NUBPL: variants seen among roughly 807,000 people sequenced by gnomAD.
NUBPL encodes NUBP iron-sulfur cluster assembly factor, mitochondrial.
In NUBPL, 31 loss-of-function variants were observed where a neutral mutation model predicts 45.7. The observed-to-expected ratio is 0.68, with a 90% CI of 0.51 to 0.92. NUBPL has a LOEUF of 0.92. Ranked by LOEUF, NUBPL falls within the 40% of genes least tolerant of loss-of-function variation. The pLI is 0.00. For missense variants in NUBPL, 401 were observed against 398.7 expected (o/e 1.01, Z -0.05); for synonymous variants, 144 against 140.9 (o/e 1.02, Z -0.15).
chr14:31,704,275 G>T (rs1041653190), intron 6 of NUBPL, among the ~76,000 whole-genome samples: 2 of 152,106 alleles, frequency 1.3e-5, no homozygotes, highest in Non-Finnish European at 2.9e-5. Flanking sequence ...CATTCTAGGG[G>T]TCCCCTTTAG....
At chr14:31,595,967 C>T (rs990743239) in intron 3 of NUBPL, among the ~76,000 whole-genome samples, 5 of 148,646 alleles carry the variant, frequency 3.4e-5, no homozygotes, top group East Asian at 2.0e-4. Context: ...AGTGCAGTGG[C>T]GCAATCTTGG....
intron 4 of NUBPL, among the ~76,000 whole-genome samples, chr14:31,619,615 A>G (rs1220104502): frequency 6.6e-6 from 1 of 152,116 alleles, no homozygotes; most frequent in Admixed American, 6.6e-5. Context: ...ATTGGCCTCC[A>G]CTTTCTTCTG....
intron 4 of NUBPL, among the ~76,000 whole-genome samples, chr14:31,640,953 GTTTTTC>G (rs137891853): frequency 0.08 from 9,988 of 125,362 alleles, 415 homozygotes; most frequent in Non-Finnish European, 0.12. Context: ...TTGTTTTTTT[GTTTTTC>G]TTTTTGTTTT....
intron 6 of NUBPL, among the ~76,000 whole-genome samples, chr14:31,684,398 A>C (rs1033296576): frequency 6.6e-6 from 1 of 151,948 alleles, no homozygotes; most frequent in Non-Finnish European, 1.5e-5. Context: ...CCCTGTATTG[A>C]AGTGGGGTCC....
intron 4 of NUBPL, among the ~76,000 whole-genome samples, chr14:31,659,046 T>C (rs2036208177): frequency 1.3e-5 from 2 of 152,146 alleles, no homozygotes; most frequent in South Asian, 4.1e-4. Flanking sequence ...GAGGCTGCCA[T>C]GGAAGAAAGG....
chr14:31,625,179 A>C (rs1158408708), intron 4 of NUBPL, among the ~76,000 whole-genome samples: 2 of 152,206 alleles, frequency 1.3e-5, no homozygotes, highest in Non-Finnish European at 2.9e-5. Flanking sequence ...TGTACCCTAG[A>C]AGCCAAGGAA....
intron 3 of NUBPL, among the ~76,000 whole-genome samples, chr14:31,578,942 A>G (rs1039972734): frequency 1.3e-5 from 2 of 152,348 alleles, no homozygotes; most frequent in East Asian, 1.9e-4. Context: ...TCTCAGAGCA[A>G]TAACTGACGA....
intron 3 of NUBPL, among the ~76,000 whole-genome samples, chr14:31,582,125 T>A (rs2033878955): frequency 6.6e-6 from 1 of 152,118 alleles, no homozygotes; most frequent in Non-Finnish European, 1.5e-5. Flanking sequence ...CAAGGTGAAT[T>A]GGGTACTGGC....
rs576539278 is a variant in NUBPL at position 31,643,157 on chromosome 14, G to A, written c.383-30198G>A. ...TGTATATGCTTTATCTCTTTCTCTT[G>A]CCTCATTGCTCTGGCCAAAACTTCC... On this transcript the variant is annotated intron_variant, in intron 4 of 10. Coordinates refer to ENST00000281081, the MANE Select transcript of NUBPL (RefSeq NM_025152.3). Among the ~76,000 whole-genome samples the A allele has an allele frequency of 4.6e-5, 7 of 152,088 alleles. No individual in the cohort carries two copies. The South Asian group carries it at 1.2e-3, about 27-fold the overall frequency.
chr14:31,651,914 GAAAA>G (rs1425961523), intron 4 of NUBPL, among the ~76,000 whole-genome samples: 2 of 145,084 alleles, frequency 1.4e-5, no homozygotes, highest in East Asian at 2.0e-4. Flanking sequence ...AAAAAAAAAA[GAAAA>G]AAAGAAAAAT....
intron 4 of NUBPL, among the ~76,000 whole-genome samples, chr14:31,630,886 T>G (rs1194145575): frequency 6.6e-6 from 1 of 152,172 alleles, no homozygotes; most frequent in African/African-American, 2.4e-5. Flanking sequence ...ATTGGGTAAT[T>G]TTTCTCATTC....
intron 6 of NUBPL, among the ~76,000 whole-genome samples, 156 bp from the exon 7 acceptor site, chr14:31,787,624 C>G (rs569612697): frequency 6.6e-6 from 1 of 152,182 alleles, no homozygotes; most frequent in South Asian, 2.1e-4. Context: ...ATTTATTCAT[C>G]CATGTATCCT....
intron 10 of NUBPL, among the ~76,000 whole-genome samples, chr14:31,850,921 C>A (rs746183531): frequency 5.3e-5 from 8 of 152,020 alleles, no homozygotes; most frequent in Non-Finnish European, 1.2e-4. Flanking sequence ...CCATGCCCAG[C>A]CTAGAGATGA....
chr14:31,600,501 A>G (rs1473513182), intron 4 of NUBPL, among the ~76,000 whole-genome samples: 1 of 152,220 alleles, frequency 6.6e-6, no homozygotes, highest in Non-Finnish European at 1.5e-5. Flanking sequence ...TGGGGAGAAC[A>G]TGCAAACTTT....
intron 4 of NUBPL, among the ~76,000 whole-genome samples, chr14:31,621,587 C>T: frequency 6.6e-6 from 1 of 152,194 alleles, no homozygotes; most frequent in East Asian, 1.9e-4. Context: ...TGATGCCCCA[C>T]CCTGCTTTGG....
intron 4 of NUBPL, among the ~76,000 whole-genome samples, chr14:31,668,275 G>C (rs1431737267): frequency 1.3e-5 from 2 of 152,224 alleles, no homozygotes; most frequent in Non-Finnish European, 2.9e-5. Context: ...GAGGAATCTA[G>C]AGAGGCAGTC....
intron 7 of NUBPL, among the ~76,000 whole-genome samples, chr14:31,809,182 A>G (rs1339438213): frequency 6.6e-6 from 1 of 152,210 alleles, no homozygotes. Flanking sequence ...GAATAGTTTC[A>G]GAAGGAATGG....
chr14:31,781,690 C>G (rs2039194141), intron 6 of NUBPL, among the ~76,000 whole-genome samples: 1 of 152,150 alleles, frequency 6.6e-6, no homozygotes, highest in South Asian at 2.1e-4. Context: ...CATTCACTGC[C>G]TAGAAAGACT....
At chr14:31,613,300 G>A (rs570352450) in intron 4 of NUBPL, among the ~76,000 whole-genome samples, 1 of 152,306 alleles carries the variant, frequency 6.6e-6, no homozygotes, top group Admixed American at 6.5e-5. Flanking sequence ...GGCTGGGAAG[G>A]GTAGTAGGGG....
Sources: allele counts gnomAD v4.1 joint callset (sites outside exome capture counted in the v4.1 genomes callset), GRCh38; gene constraint gnomAD v4.1.1; transcripts MANE v1.5; gene names NCBI Gene and HGNC (gene_info 2026-07-23, HGNC 2026-07-21).